Variants in ANKRD17 observed in about 807,000 individuals in gnomAD.
ANKRD17 encodes ankyrin repeat domain-containing protein 17.
A neutral mutation model predicts 229.7 loss-of-function variants in ANKRD17; 19 were observed. The ratio of observed to expected loss-of-function variants is 0.08; its 90% CI spans 0.06 to 0.12. ANKRD17 has a LOEUF of 0.12. Among genes scored for constraint, ANKRD17 ranks in the 10% least tolerant of loss-of-function variants. The probability of loss-of-function intolerance (pLI) is 1.00; values close to 1 mark genes in which losing one functional copy is unlikely to be tolerated. For synonymous variants in ANKRD17, 1,112 were observed against 1,146.1 expected, an observed-to-expected ratio of 0.97 and a Z score of 0.60; for missense variants, 2,176 against 3,176.8, an observed-to-expected ratio of 0.68 and a Z score of 7.57.
At chr4:73,120,030 G>T in intron 21 of ANKRD17, 132 bp downstream of exon 21, 1 of 945,642 alleles carries the variant, frequency 1.1e-6, no homozygotes, top group Non-Finnish European at 1.6e-6. Context: ...GGGTAGGTTT[G>T]GGGGAAAAAG....
At chr4:73,105,005 A>T (rs1578061090) in intron 24 of ANKRD17, among the ~76,000 whole-genome samples, 2 of 152,172 alleles carry the variant, frequency 1.3e-5, no homozygotes, top group East Asian at 3.9e-4. Flanking sequence ...AGAGGTAAGT[A>T]TTTGCTCGTT....
intron 1 of ANKRD17, 26 bp downstream of exon 1, chr4:73,258,250 T>G (rs750475308): frequency 1.9e-6 from 3 of 1,613,396 alleles, no homozygotes. Flanking sequence ...CCTTCCTCCC[T>G]CCTTCCTTTG....
Position 73,098,398 on chromosome 4 carries a change from T to C in ANKRD17, c.4696A>G (p.Ser1566Gly), listed in dbSNP as rs1723556124. ...GKRNNTITTTSSKRKNRKNKI... is the reference protein window; with the variant it reads ...GKRNNTITTTGSKRKNRKNKI... ...TTTTTCCTGTTTTTCCTCTTTGAAC[T>C]GGTTGTAGTTATGGTATTATTTCTT... Residue 1566 changes from serine to glycine, a missense_variant, in exon 26 of 34, where the codon AGT becomes GGT. This residue lies in a region of ANKRD17 where 105 missense variants were observed against 118.3 expected (regional missense o/e 0.89). Coordinates refer to ENST00000358602, the MANE Select transcript of ANKRD17 (RefSeq NM_032217.5). 1 of 1,614,200 alleles carries C rather than the reference T, an allele frequency of 6.2e-7. No homozygotes were observed. The highest frequency in any genetic ancestry group is 8.5e-7 in the Non-Finnish European group (1 of 1,180,016).
intron 24 of ANKRD17, among the ~76,000 whole-genome samples, chr4:73,107,348 A>G (rs1255844345): frequency 6.6e-6 from 1 of 152,240 alleles, no homozygotes; most frequent in Non-Finnish European, 1.5e-5. Flanking sequence ...AAGATCCAAC[A>G]AAAATTTTCT....
chr4:73,253,162 T>C (rs1003895788), intron 1 of ANKRD17, among the ~76,000 whole-genome samples: 1 of 152,234 alleles, frequency 6.6e-6, no homozygotes, highest in African/African-American at 2.4e-5. Flanking sequence ...TATGCCAGTA[T>C]GTTTACCTGT....
Position 73,089,594 on chromosome 4 carries a change from C to G in ANKRD17, c.6961+1073G>C, listed in dbSNP as rs532932257. ...TGTAGTCTAGTTAGTAGTACTACAC[C>G]AATATTAATTTTTTTAGTTTCGAAA... is the stretch of plus-strand genomic sequence containing the variant. On this transcript the variant is annotated intron_variant, in intron 29 of 33. Transcript: ENST00000358602. Among the ~76,000 whole-genome samples the G allele has an allele frequency of 2.0e-5, 3 of 151,944 alleles. No individual in the cohort carries two copies. In the South Asian group the frequency reaches 6.2e-4, roughly 31 times the overall value.
intron 24 of ANKRD17, among the ~76,000 whole-genome samples, chr4:73,109,825 T>C (rs1725086747): frequency 6.6e-6 from 1 of 151,954 alleles, no homozygotes; most frequent in Non-Finnish European, 1.5e-5. Flanking sequence ...GAAAGGGTAG[T>C]ATGACATAAA....
chr4:73,079,121 T>C (rs958228310), intron 30 of ANKRD17, among the ~76,000 whole-genome samples: 2 of 152,174 alleles, frequency 1.3e-5, no homozygotes, highest in Non-Finnish European at 2.9e-5. Context: ...TAATAAACCA[T>C]TAAATTAAAT....
intron 1 of ANKRD17, among the ~76,000 whole-genome samples, chr4:73,239,790 T>C (rs1351256876): frequency 6.6e-6 from 1 of 152,052 alleles, no homozygotes; most frequent in Non-Finnish European, 1.5e-5. Flanking sequence ...ATCAAATGGA[T>C]AAATAAAAAG....
Position 73,140,002 on chromosome 4 carries a change from C to G in ANKRD17, c.2614G>C (p.Val872Leu). 1 of 1,614,204 alleles carries G rather than the reference C, an allele frequency of 6.2e-7. No individual in the cohort carries two copies. Among genetic ancestry groups the G allele is most frequent in the Non-Finnish European group, 8.5e-7 (1 of 1,180,042 alleles). The change falls in exon 15 of 34, where the codon GTA becomes CTA. Residue 872 changes from valine to leucine, a missense_variant. By Grantham distance (32) the Val-to-Leu change is conservative. Transcript: ENST00000358602. ...GTTTTCAGTTGTAACTCTCGTTCTA[C>G]TTTCTGTAGTTCCTCCAAAATCTTT... ...KQKILEELQK[V>L]ERELQLKTQQ...
intron 25 of ANKRD17, 167 bp from the exon 26 acceptor site, chr4:73,098,687 C>T: frequency 2.4e-6 from 2 of 846,800 alleles, no homozygotes; most frequent in Non-Finnish European, 3.8e-6. Context: ...CTGATATACT[C>T]TGTGTACCCA....
intron 1 of ANKRD17, among the ~76,000 whole-genome samples, chr4:73,242,863 TTAATAC>T (rs1744168460): frequency 6.6e-6 from 1 of 152,176 alleles, no homozygotes; most frequent in Non-Finnish European, 1.5e-5. Context: ...TACTAAATAT[TTAATAC>T]TAATAAAGCT....
chr4:73,157,925 T>C (rs1731881888), intron 3 of ANKRD17, among the ~76,000 whole-genome samples: 1 of 151,508 alleles, frequency 6.6e-6, no homozygotes, highest in Non-Finnish European at 1.5e-5. Flanking sequence ...CTGTCTCTAC[T>C]AAAAATACAA....
At chr4:73,103,573 T>G (rs1724252261) in intron 24 of ANKRD17, among the ~76,000 whole-genome samples, 1 of 152,220 alleles carries the variant, frequency 6.6e-6, no homozygotes, top group Non-Finnish European at 1.5e-5. Context: ...TCTGTCTGCA[T>G]GTCATCTAAA....
intron 1 of ANKRD17, among the ~76,000 whole-genome samples, chr4:73,180,571 C>T (rs1735418744): frequency 1.3e-5 from 2 of 152,084 alleles, no homozygotes; most frequent in Admixed American, 1.3e-4. Flanking sequence ...TTCTTAGGCC[C>T]ACTATTCTCA....
In ANKRD17 at chr4:73,076,244, T is replaced by C; in HGVS notation, c.7799A>G (p.Asn2600Ser). 1 of 1,610,676 alleles carries C rather than the reference T, an allele frequency of 6.2e-7. No individual in the cohort carries two copies. Among genetic ancestry groups the C allele is most frequent in the Non-Finnish European group, 8.5e-7 (1 of 1,178,486 alleles). The change falls in exon 34 of 34, where the codon AAC becomes AGC. Residue 2600 changes from asparagine to serine, a missense_variant. Physicochemically the swap from Asn to Ser is conservative, Grantham distance 46. Transcript: ENST00000358602. ...WAPHMNSVHM[N>S]QLG Reference sequence around the variant, plus strand: ...AGCTGATCCTCATCAGCCAAGCTGGTTCATATGCACACTGTTCATGTGAGG... The same window carrying C: ...AGCTGATCCTCATCAGCCAAGCTGGCTCATATGCACACTGTTCATGTGAGG...
At chr4:73,162,608 T>G (rs1732678691) in intron 2 of ANKRD17, among the ~76,000 whole-genome samples, 1 of 152,124 alleles carries the variant, frequency 6.6e-6, no homozygotes, top group Non-Finnish European at 1.5e-5. Context: ...GAGTTATGTC[T>G]ACAACTTATC....
chr4:73,166,116 T>C (rs1399045603), intron 2 of ANKRD17, among the ~76,000 whole-genome samples: 2 of 152,212 alleles, frequency 1.3e-5, no homozygotes, highest in African/African-American at 4.8e-5. Context: ...AGAAAACTAA[T>C]CCATGCTGTA....
chr4:73,110,592 C>T (rs137988540), intron 24 of ANKRD17, among the ~76,000 whole-genome samples: 2,130 of 152,238 alleles, frequency 0.014, 161 homozygotes, highest in Admixed American at 0.12. Context: ...CCAACTCCAG[C>T]GATGAAGCCA....
Sources: allele counts gnomAD v4.1 joint callset (sites outside exome capture counted in the v4.1 genomes callset), GRCh38; gene constraint gnomAD v4.1.1; regional missense constraint gnomAD v4.1.1; transcripts MANE v1.5; gene names NCBI Gene and HGNC (gene_info 2026-07-23, HGNC 2026-07-21).